The following KSR2 variants were observed in gnomAD, a reference collection of about 807,000 sequenced individuals.
The protein encoded by KSR2 is kinase suppressor of ras 2.
In KSR2, 25 loss-of-function variants were observed where a neutral mutation model predicts 107.8. The ratio of observed to expected loss-of-function variants is 0.23; its 90% CI spans 0.17 to 0.32. The LOEUF is 0.32. KSR2 is among the 10% of genes least tolerant of loss of function. KSR2 has a pLI of 1.00. For synonymous variants in KSR2, 480 were observed against 507.0 expected (o/e 0.95, Z 0.71); for missense variants, 887 against 1,268.9 (o/e 0.70, Z 4.57).
intron 1 of KSR2, among the ~76,000 whole-genome samples, chr12:117,944,950 G>C (rs938100674): frequency 6.6e-6 from 1 of 152,080 alleles, no homozygotes; most frequent in Non-Finnish European, 1.5e-5. Flanking sequence ...AGTTTTCAGA[G>C]CAAGGAAAAT....
At chr12:117,560,148 AC>A (rs1344360855) in intron 7 of KSR2, among the ~76,000 whole-genome samples, 1 of 152,106 alleles carries the variant, frequency 6.6e-6, no homozygotes, top group Non-Finnish European at 1.5e-5. Flanking sequence ...CAGCATAAGC[AC>A]CACCTGGGAA....
chr12:117,812,502 C>T (rs564985343), intron 3 of KSR2, among the ~76,000 whole-genome samples: 6 of 152,034 alleles, frequency 3.9e-5, no homozygotes, highest in African/African-American at 7.2e-5. Flanking sequence ...TCATTCCAAG[C>T]GAAGTCTTCA....
At chr12:117,739,334 G>A (rs1384466702) in intron 4 of KSR2, among the ~76,000 whole-genome samples, 1 of 152,146 alleles carries the variant, frequency 6.6e-6, no homozygotes, top group Non-Finnish European at 1.5e-5. Context: ...CAGCCTGGGC[G>A]ACAGAGCAAG....
intron 1 of KSR2, chr12:117,889,548 A>G (rs1182897203): frequency 2.6e-5 from 4 of 152,034 alleles, no homozygotes; most frequent in Admixed American, 2.0e-4. Flanking sequence ...GACTATTTTT[A>G]AATAACGAGA....
rs1001371068 is a variant in KSR2 at position 117,465,262 on chromosome 12, A to T, written c.*1937T>A. 6.6e-6 allele frequency: 1 copy of T among 152,216 alleles called. No homozygotes were observed. The highest frequency in any genetic ancestry group is 6.5e-5 in the Admixed American group (1 of 15,276). 9.4% of individuals were successfully genotyped at this position (152,216 alleles called of 1,614,324 possible). On this transcript the variant is annotated 3_prime_UTR_variant, in exon 20 of 20. Transcript: ENST00000339824. The stretch of plus-strand genomic sequence containing the variant: ...CAAGAGCCATCCCCAGCAACCCCAG[A>T]GTGGCTGGGGCTCAGGCAAACATAT...
At chr12:117,730,475 TC>T (rs1887620338) in intron 4 of KSR2, among the ~76,000 whole-genome samples, 1 of 150,132 alleles carries the variant, frequency 6.7e-6, no homozygotes, top group Admixed American at 6.6e-5. Context: ...GTCTCCCCTC[TC>T]CCTCGTCTCC....
intron 4 of KSR2, among the ~76,000 whole-genome samples, chr12:117,681,690 A>T (rs1885368013): frequency 6.6e-6 from 1 of 152,140 alleles, no homozygotes; most frequent in South Asian, 2.1e-4. Context: ...TCTTTAATCC[A>T]CCTTGAGTTG....
chr12:117,553,597 T>C (rs144858775), intron 9 of KSR2, among the ~76,000 whole-genome samples: 2 of 152,280 alleles, frequency 1.3e-5, no homozygotes, highest in South Asian at 4.1e-4. Context: ...TGGGCTGATG[T>C]GCTTTTTCCA....
At chr12:117,579,396 C>T (rs4767569) in intron 6 of KSR2, among the ~76,000 whole-genome samples, 194 bp from the exon 7 acceptor site, 116,571 of 152,086 alleles carry the variant, frequency 0.77, 44,738 homozygotes, top group South Asian at 0.83. Context: ...CAGATAATAA[C>T]AGTATTGACC....
intron 14 of KSR2, among the ~76,000 whole-genome samples, chr12:117,522,552 A>C (rs1874829689): frequency 6.6e-6 from 1 of 152,200 alleles, no homozygotes; most frequent in Non-Finnish European, 1.5e-5. Flanking sequence ...TAAATCGCAA[A>C]AATAGCCACA....
intron 3 of KSR2, among the ~76,000 whole-genome samples, chr12:117,815,804 G>A (rs374587626): frequency 5.9e-5 from 9 of 151,854 alleles, no homozygotes; most frequent in Non-Finnish European, 1.2e-4. Context: ...GTGAAACCCC[G>A]TCTCTACTAA....
At chr12:117,855,638 C>A in intron 2 of KSR2, 60 bp from the exon 3 acceptor site, 1 of 1,555,670 alleles carries the variant, frequency 6.4e-7, no homozygotes, top group Non-Finnish European at 8.8e-7. Flanking sequence ...TGCCTCCACG[C>A]TGCCCTGTAG....
chr12:117,555,330 A>G lies in KSR2; in HGVS notation c.1394-37T>C, dbSNP rs144426500. On this transcript the variant is annotated intron_variant, in intron 8 of 19. Transcript: ENST00000339824. ...AAAACATTGATTTGGGAGTTTAAGT[A>G]TCACTTTGTCTTTGGTTATGCCAGG... 12,484 of 1,611,396 alleles carry G rather than the reference A, an allele frequency of 7.7e-3. 80 individuals are homozygous for G. Among genetic ancestry groups the G allele is most frequent in the Admixed American group, 0.013 (772 of 59,812 alleles).
chr12:117,889,310 G>A (rs1327954085), intron 1 of KSR2: 1 of 152,270 alleles, frequency 6.6e-6, no homozygotes, highest in African/African-American at 2.4e-5. Context: ...GAGGGGACCA[G>A]CTGTGAAACT....
At chr12:117,878,885 C>T (rs549205745) in intron 1 of KSR2, among the ~76,000 whole-genome samples, 23 of 152,218 alleles carry the variant, frequency 1.5e-4, no homozygotes, top group African/African-American at 5.3e-4. Flanking sequence ...TTTACGGTCA[C>T]GCTGGAATTA....
At chr12:117,911,151 C>T (rs1894999412) in intron 1 of KSR2, among the ~76,000 whole-genome samples, 1 of 137,810 alleles carries the variant, frequency 7.3e-6, no homozygotes, top group Non-Finnish European at 1.5e-5. Context: ...CACTTGCACA[C>T]ATTCTTTCTC....
At chr12:117,861,910 A>G (rs1893310142) in intron 1 of KSR2, among the ~76,000 whole-genome samples, 1 of 152,214 alleles carries the variant, frequency 6.6e-6, no homozygotes, top group African/African-American at 2.4e-5. Flanking sequence ...AAATCTCACA[A>G]CATTAACCAA....
Position 117,674,390 on chromosome 12 carries a change from A to G in KSR2, c.987-6732T>C, listed in dbSNP as rs557083455. The G allele has an allele frequency of 6.5e-6, 3 of 458,924 alleles. No homozygotes were observed. The Admixed American group carries it at 7.0e-5, about 11-fold the overall frequency. 28.4% of individuals were successfully genotyped at this position (458,924 alleles called of 1,614,324 possible). On this transcript the variant is annotated intron_variant, in intron 4 of 19. Coordinates refer to ENST00000339824, the MANE Select transcript of KSR2 (RefSeq NM_173598.6). The stretch of plus-strand genomic sequence containing the variant: ...AAATTCACAGAACGTAAAATTCACC[A>G]TTTTAAATTGAATAACTCTGTAGCA...
chr12:117,730,756 C>G (rs868334906), intron 4 of KSR2, among the ~76,000 whole-genome samples: 1 of 152,198 alleles, frequency 6.6e-6, no homozygotes, highest in African/African-American at 2.4e-5. Flanking sequence ...GTGATCTGCC[C>G]GCCTCGGCCT....
Sources: gnomAD v4.1 joint callset for allele counts (sites outside exome capture counted in the v4.1 genomes callset) on GRCh38, gnomAD v4.1.1 for gene constraint, MANE v1.5 for transcripts, NCBI Gene and HGNC (gene_info 2026-07-23, HGNC 2026-07-21) for gene names.